The following CCND3 variants were observed in gnomAD, a reference collection of about 807,000 sequenced individuals.
CCND3 encodes the protein G1/S-specific cyclin-D3.
Under a neutral mutation model 28.7 loss-of-function variants are expected in CCND3, and 9 were observed. That is an observed-to-expected ratio of 0.31 (90% confidence interval 0.19 to 0.55). CCND3 has a LOEUF of 0.55. Ranked by LOEUF, CCND3 falls within the 20% of genes least tolerant of loss-of-function variation. The pLI is 0.93. For missense variants in CCND3, 315 were observed against 385.8 expected (o/e 0.82, Z 1.54); for synonymous variants, 164 against 163.9 (o/e 1.00, Z 0.00).
chr6:41,981,346 A>C (rs1157753373), intron 1 of CCND3, among the ~76,000 whole-genome samples: 1 of 151,630 alleles, frequency 6.6e-6, no homozygotes, highest in Non-Finnish European at 1.5e-5. Context: ...CTGGGATTAT[A>C]GGCACCCACC....
intron 1 of CCND3, among the ~76,000 whole-genome samples, chr6:41,982,141 G>C (rs1762364608): frequency 6.6e-6 from 1 of 151,194 alleles, no homozygotes; most frequent in Admixed American, 6.6e-5. Flanking sequence ...GTGGTGGTGG[G>C]TGCCTGTAGT....
At chr6:41,989,199 C>G (rs7766080) in intron 1 of CCND3, among the ~76,000 whole-genome samples, 2,238 of 152,052 alleles carry the variant, frequency 0.015, 48 homozygotes, top group African/African-American at 0.049. Flanking sequence ...TGGCTCATGC[C>G]TGTAATCCCA....
chr6:41,941,972 C>G (rs1280400439), upstream of CCND3: 1 of 166,780 alleles, frequency 6.0e-6, no homozygotes, highest in African/African-American at 2.4e-5. This position sits in a 1 kb window ranked among gnomAD's most constrained non-coding sequence, Gnocchi z 6.1. Context: ...GGCCGGCTTC[C>G]GGGCACTCCA....
At chr6:42,044,479 T>C (rs1764470102) in intron 1 of CCND3, among the ~76,000 whole-genome samples, 1 of 151,942 alleles carries the variant, frequency 6.6e-6, no homozygotes, top group East Asian at 1.9e-4. Context: ...AGGGGGAAAA[T>C]CACATCAGGG....
rs1763564430 is a variant in CCND3 at position 42,017,702 on chromosome 6, G to C, written c.-46+30799C>G. On this transcript the variant is annotated intron_variant, in intron 1 of 4. Coordinates refer to the CCND3 transcript ENST00000372988. ...GAAGTGTCTATGGAAATAGTGTGAT[G>C]ACCTGAGTAAAATATGGGTGGAATG... Among the ~76,000 whole-genome samples the C allele has an allele frequency of 2.6e-5, 4 of 151,722 alleles. No homozygotes were observed. In the South Asian group the frequency reaches 8.3e-4, roughly 32 times the overall value.
chr6:41,984,103 T>C (rs1762416347), intron 1 of CCND3, among the ~76,000 whole-genome samples: 1 of 152,236 alleles, frequency 6.6e-6, no homozygotes, highest in African/African-American at 2.4e-5. Context: ...TATTCATCCA[T>C]ATTATCACAA....
At chr6:41,982,881 CAAAAAA>C (rs56117421) in intron 1 of CCND3, among the ~76,000 whole-genome samples, 5 of 94,414 alleles carry the variant, frequency 5.3e-5, no homozygotes, top group Admixed American at 1.1e-4. Flanking sequence ...CATCCACATG[CAAAAAA>C]AAAAAAAAAA....
Position 42,033,676 on chromosome 6 carries a change from C to T in CCND3, c.-46+14825G>A, listed in dbSNP as rs186827542. Among the ~76,000 whole-genome samples, 341 of 151,188 alleles carry T rather than the reference C, an allele frequency of 2.3e-3. 4 individuals are homozygous for T. The highest frequency in any genetic ancestry group is 3.7e-3 in the Non-Finnish European group (248 of 67,796). On this transcript the variant is annotated intron_variant, in intron 1 of 4. Coordinates refer to the CCND3 transcript ENST00000372988. ...CAGCCTGACCAACATGGAAAAACCC[C>T]GTCTCTACTAAAAATACAAAATAAT... is the stretch of plus-strand genomic sequence containing the variant.
intron 1 of CCND3, among the ~76,000 whole-genome samples, chr6:41,953,188 C>T (rs1776355279): frequency 6.6e-6 from 1 of 151,710 alleles, no homozygotes; most frequent in Non-Finnish European, 1.5e-5. Context: ...TTGCTTGAAC[C>T]CAGGAGGCGG....
chr6:42,039,928 C>T (rs529518215), intron 1 of CCND3, among the ~76,000 whole-genome samples: 1 of 152,336 alleles, frequency 6.6e-6, no homozygotes, highest in East Asian at 1.9e-4. Flanking sequence ...CGGGGGGATT[C>T]GTGTCAACAC....
intron 1 of CCND3, among the ~76,000 whole-genome samples, chr6:41,973,148 G>A (rs66867810): frequency 0.31 from 47,802 of 151,934 alleles, 7,609 homozygotes; most frequent in Middle Eastern, 0.4. Context: ...TTCTGTCTCA[G>A]CAGGCAATGA....
rs565379057 is a variant in CCND3, at chr6:42,001,001, C to T, written c.-46+47500G>A. On this transcript the variant is annotated intron_variant, in intron 1 of 4. Coordinates refer to the CCND3 transcript ENST00000372988. ...CCTGTATCCCAGTACTTTGGGAGGC[C>T]GAGGCGGGCAGATCACCTGGGGTCA... is the stretch of plus-strand genomic sequence containing the variant. Among the ~76,000 whole-genome samples the T allele has an allele frequency of 8.5e-4, 129 of 151,422 alleles. 1 individual carries two copies. The highest frequency in any genetic ancestry group is 2.9e-3 in the African/African-American group (119 of 41,338).
chr6:41,937,880 C>T, intron 2 of CCND3: 2 of 172,122 alleles, frequency 1.2e-5, no homozygotes, highest in South Asian at 1.1e-4. Flanking sequence ...CAGCCAAGTC[C>T]ACACTTCTTG....
chr6:42,044,783 T>TATTTATTTATTTATTTA lies in CCND3; in HGVS notation c.-46+3717_-46+3718insTAAATAAATAAATAAAT, dbSNP rs1764481626. 2.8e-5 allele frequency among the ~76,000 whole-genome samples: 4 copies of TATTTATTTATTTATTTA among 143,138 alleles called. No homozygotes were observed. The South Asian group carries it at 6.8e-4, about 24-fold the overall frequency. The allele number at this position is 143,138 out of a possible 152,430, so 93.9% of individuals were successfully genotyped here. A position where few individuals can be genotyped will look rare whatever the true frequency, so the allele number is the denominator to read the frequency against. The stretch of plus-strand genomic sequence containing the variant: ...TCTTTTCTTTCTTTTCTTTCTTTCC[T>TATTTATTTATTTATTTA]TTTATTTATTTATTTATTTATTTGA... On this transcript the variant is annotated intron_variant, in intron 1 of 4. Transcript: ENST00000372988.
At chr6:41,969,517 A>G (rs1761977516) in intron 1 of CCND3, among the ~76,000 whole-genome samples, 1 of 151,872 alleles carries the variant, frequency 6.6e-6, no homozygotes. Context: ...CTCGGACTCA[A>G]AAAAAAACAA....
chr6:41,940,762 C>T (rs560165519), intron 1 of CCND3, 177 bp from the exon 2 acceptor site: 2 of 768,276 alleles, frequency 2.6e-6, no homozygotes, highest in African/African-American at 1.7e-5. Context: ...TGACGCCCCC[C>T]ACTTCCTCTG....
chr6:42,037,939 G>A (rs894869145), intron 1 of CCND3, among the ~76,000 whole-genome samples: 2 of 151,010 alleles, frequency 1.3e-5, no homozygotes, highest in Non-Finnish European at 2.9e-5. Flanking sequence ...GCTGAGGCAC[G>A]AGAATCGCTT....
At chr6:42,013,341 T>TG (rs1362943900) in intron 1 of CCND3, among the ~76,000 whole-genome samples, 2 of 152,224 alleles carry the variant, frequency 1.3e-5, no homozygotes, top group African/African-American at 4.8e-5. Flanking sequence ...TAACTGCCAT[T>TG]GGTCTCAGCA....
At chr6:42,008,833 C>A (rs184855029) in intron 1 of CCND3, among the ~76,000 whole-genome samples, 52 of 152,284 alleles carry the variant, frequency 3.4e-4, no homozygotes, top group Middle Eastern at 3.4e-3. Flanking sequence ...CACTGCCTAA[C>A]ATTCCACAGA....
Sources: gnomAD v4.1 joint callset for allele counts (sites outside exome capture counted in the v4.1 genomes callset) on GRCh38, gnomAD v4.1.1 for gene constraint, Gnocchi (gnomAD v3.1) non-coding constraint, MANE v1.5 for transcripts, NCBI Gene and HGNC (gene_info 2026-07-23, HGNC 2026-07-21) for gene names.